Variants in SEPTIN9 observed in about 807,000 individuals in gnomAD.
The protein encoded by SEPTIN9 is septin 9, also known as septin-9.
A neutral mutation model predicts 56.6 loss-of-function variants in SEPTIN9; 13 were observed. The ratio of observed to expected loss-of-function variants is 0.23; its 90% confidence interval spans 0.15 to 0.37. SEPTIN9 has a LOEUF of 0.37. SEPTIN9 is among the 10% of genes least tolerant of loss of function. SEPTIN9 has a pLI of 1.00. For missense variants in SEPTIN9, 650 were observed against 823.1 expected, an observed-to-expected ratio of 0.79 and a Z score of 2.57; for synonymous variants, 332 against 334.1, an observed-to-expected ratio of 0.99 and a Z score of 0.07.
At chr17:77,474,883 G>C (rs1355100231) in intron 3 of SEPTIN9, among the ~76,000 whole-genome samples, 1 of 152,114 alleles carries the variant, frequency 6.6e-6, no homozygotes, top group Non-Finnish European at 1.5e-5. Context: ...AGTAACACCT[G>C]GGGCTCGGTG....
At chr17:77,484,469 GTGGTGGTGATGA>G (rs1279201633) in intron 4 of SEPTIN9, among the ~76,000 whole-genome samples, 45 of 148,610 alleles carry the variant, frequency 3.0e-4, no homozygotes, top group Non-Finnish European at 4.8e-4. Context: ...GATTGTGGTG[GTGGTGGTGATGA>G]TGGTGGTGAT....
intron 2 of SEPTIN9, among the ~76,000 whole-genome samples, chr17:77,387,676 C>A (rs2035384408): frequency 6.6e-6 from 1 of 152,118 alleles, no homozygotes. Flanking sequence ...TCTGAGGAGA[C>A]CCTTTCCCCT....
intron 1 of SEPTIN9, among the ~76,000 whole-genome samples, chr17:77,298,716 C>T (rs571152512): frequency 1.3e-5 from 2 of 152,338 alleles, no homozygotes; most frequent in African/African-American, 4.8e-5. Flanking sequence ...CCTCCTCCCC[C>T]TGCCTTTCTG....
At chr17:77,396,453 AC>A (rs1423911078) in intron 2 of SEPTIN9, among the ~76,000 whole-genome samples, 2 of 152,118 alleles carry the variant, frequency 1.3e-5, no homozygotes, top group Admixed American at 1.3e-4. Context: ...GAATGTGGAT[AC>A]CCCTTGGCTG....
At chr17:77,309,572 A>G (rs971172752) in intron 2 of SEPTIN9, among the ~76,000 whole-genome samples, 1 of 152,178 alleles carries the variant, frequency 6.6e-6, no homozygotes, top group Non-Finnish European at 1.5e-5. Flanking sequence ...GCTTCTCTGT[A>G]GATCCACATC....
rs571963580 is a variant in SEPTIN9 at position 77,441,865 on chromosome 17, T to C, written c.721+39162T>C. 3.3e-5 allele frequency among the ~76,000 whole-genome samples: 5 copies of C among 152,212 alleles called. No homozygotes were observed. The South Asian group carries it at 1.0e-3, about 32-fold the overall frequency. On this transcript the variant is annotated intron_variant, in intron 3 of 11. Coordinates refer to ENST00000427177, the MANE Select transcript of SEPTIN9 (RefSeq NM_001113491.2). ...GCAGTCTGTCCTGCTTTCATAGACT[T>C]TGAGAAACGGGGTCCAAATTGCCGG...
chr17:77,490,099 G>A (rs917838963), intron 7 of SEPTIN9, among the ~76,000 whole-genome samples: 4 of 152,238 alleles, frequency 2.6e-5, no homozygotes, highest in Non-Finnish European at 5.9e-5. Flanking sequence ...GGGCAGGGGC[G>A]GGCCTTGGCC....
intron 4 of SEPTIN9, among the ~76,000 whole-genome samples, chr17:77,484,535 GTGGTGGTGA>G (rs1299670226): frequency 1.3e-4 from 19 of 146,386 alleles, no homozygotes; most frequent in Admixed American, 9.4e-4. Flanking sequence ...TGTGATGGTG[GTGGTGGTGA>G]TGGTGGTGAT....
intron 4 of SEPTIN9, chr17:77,483,714 C>T (rs903144126): frequency 1.3e-5 from 2 of 152,286 alleles, no homozygotes; most frequent in Non-Finnish European, 2.9e-5. Context: ...CAGCCCTCGC[C>T]TTCCGTGGCT....
rs1275175224 is a variant in SEPTIN9 at position 77,389,662 on chromosome 17, G to C, written c.77-12397G>C. ...CACCTAGACCCTCCCACACAGATCC[G>C]TCCCACCCTTCTGCTGCCTTCCACC... On this transcript the variant is annotated intron_variant, in intron 2 of 11. Coordinates refer to ENST00000427177, the MANE Select transcript of SEPTIN9 (RefSeq NM_001113491.2). The surrounding 1 kb of genome is among the most constrained non-coding windows in gnomAD (Gnocchi z 4.3). Among the ~76,000 whole-genome samples, 1 of 151,764 alleles carries C rather than the reference G, an allele frequency of 6.6e-6. No homozygotes were observed. Among genetic ancestry groups the C allele is most frequent in the African/African-American group, 2.4e-5 (1 of 41,268 alleles).
chr17:77,444,701 C>T (rs1247864094), intron 3 of SEPTIN9: 11 of 188,020 alleles, frequency 5.9e-5, no homozygotes, highest in Non-Finnish European at 9.1e-5. Flanking sequence ...CCAGCTGGTG[C>T]GTGTCAGGCA....
chr17:77,406,340 C>A (rs773033647), intron 3 of SEPTIN9, among the ~76,000 whole-genome samples: 1 of 152,310 alleles, frequency 6.6e-6, no homozygotes, highest in South Asian at 2.1e-4. Context: ...CTCTTTACAT[C>A]ACTGCCTTGG....
At chr17:77,410,476 C>T (rs1005547850) in intron 3 of SEPTIN9, among the ~76,000 whole-genome samples, 14 of 152,180 alleles carry the variant, frequency 9.2e-5, no homozygotes, top group Admixed American at 3.9e-4. Flanking sequence ...CAAAATGGCC[C>T]GCAGAGGTTA....
chr17:77,423,392 T>C (rs1270002440), intron 3 of SEPTIN9, among the ~76,000 whole-genome samples: 2 of 152,196 alleles, frequency 1.3e-5, no homozygotes, highest in Non-Finnish European at 2.9e-5. Flanking sequence ...CTTGATAGTT[T>C]TGTCCACAGA....
intron 2 of SEPTIN9, among the ~76,000 whole-genome samples, chr17:77,366,665 T>C (rs1053003529): frequency 6.6e-6 from 1 of 152,152 alleles, no homozygotes; most frequent in African/African-American, 2.4e-5. Context: ...CAGGGTTCCA[T>C]CAGGTTGGAT....
At chr17:77,362,831 A>G (rs1274397690) in intron 2 of SEPTIN9, among the ~76,000 whole-genome samples, 2 of 152,230 alleles carry the variant, frequency 1.3e-5, no homozygotes, top group Non-Finnish European at 2.9e-5. Flanking sequence ...GAATCCCTTC[A>G]TCTGACGATC....
Position 77,330,017 on chromosome 17 carries a change from C to T in SEPTIN9, c.76+22820C>T, listed in dbSNP as rs2033287651. Among the ~76,000 whole-genome samples the T allele has an allele frequency of 6.6e-6, 1 of 152,232 alleles. No individual in the cohort carries two copies. The highest frequency in any genetic ancestry group is 1.5e-5 in the Non-Finnish European group (1 of 68,034). On this transcript the variant is annotated intron_variant, in intron 2 of 11. Coordinates refer to ENST00000427177, the MANE Select transcript of SEPTIN9 (RefSeq NM_001113491.2). The surrounding 1 kb of genome is among the most constrained non-coding windows in gnomAD (Gnocchi z 4.4). Reference sequence around the variant, plus strand: ...CGAGCTGCAGCCCCCGCTCCATCCCCAGCTGGGGCTCCCTGTGCTCACCTT... The same window carrying T: ...CGAGCTGCAGCCCCCGCTCCATCCCTAGCTGGGGCTCCCTGTGCTCACCTT...
At chr17:77,372,710 G>A (rs756673763) in intron 2 of SEPTIN9, among the ~76,000 whole-genome samples, 15 of 152,118 alleles carry the variant, frequency 9.9e-5, no homozygotes, top group Non-Finnish European at 1.5e-5. Context: ...GGGTGCAGCG[G>A]TGGCCCCCGG....
At chr17:77,426,220 A>G (rs747876724) in intron 3 of SEPTIN9, among the ~76,000 whole-genome samples, 28 of 151,788 alleles carry the variant, frequency 1.8e-4, no homozygotes, top group Non-Finnish European at 4.1e-4. Flanking sequence ...GTCCCTCCTG[A>G]ACTGACCGCC....
Sources: gnomAD v4.1 joint callset for allele counts (sites outside exome capture counted in the v4.1 genomes callset) on GRCh38, gnomAD v4.1.1 for gene constraint, Gnocchi (gnomAD v3.1) non-coding constraint, MANE v1.5 for transcripts, NCBI Gene and HGNC (gene_info 2026-07-23, HGNC 2026-07-21) for gene names.